Variants in MAGEA11 observed in about 807,000 individuals in gnomAD.
MAGEA11 encodes melanoma-associated antigen 11.
In MAGEA11, 1 loss-of-function variant was observed where a neutral mutation model predicts 8.4. The observed-to-expected ratio is 0.12, with a 90% CI of 0.04 to 0.57. MAGEA11 has a LOEUF of 0.57. MAGEA11 is among the 20% of genes least tolerant of loss of function. The probability of loss-of-function intolerance (pLI) is 0.91; values close to 1 mark genes in which losing one functional copy is unlikely to be tolerated. For synonymous variants in MAGEA11, 127 were observed against 119.3 expected (o/e 1.06, Z -0.42); for missense variants, 209 against 317.3 (o/e 0.66, Z 2.59).
chrX:149,711,746 G>C (rs2090401366), upstream of MAGEA11: 4 of 694,542 alleles, frequency 5.8e-6, no homozygotes, highest in Non-Finnish European at 5.1e-6. Flanking sequence ...CACACCTCCC[G>C]CTCACTGCCA....
intron 1 of MAGEA11, among the ~76,000 whole-genome samples, 166 bp from the exon 2 acceptor site, chrX:149,712,977 G>C (rs1160573571): frequency 8.9e-6 from 1 of 112,322 alleles, no homozygotes; most frequent in Non-Finnish European, 1.9e-5. Flanking sequence ...GGCTGACAGA[G>C]GGAAGGGGCT....
rs181931899 is a variant in MAGEA11, at chrX:149,712,816, G to C, written c.-17-327G>C. 2.0e-3 allele frequency among the ~76,000 whole-genome samples: 219 copies of C among 110,848 alleles called. 1 individual carries two copies. The highest frequency in any genetic ancestry group is 6.8e-3 in the African/African-American group (210 of 30,814). ...GGTGTGACCAGGGCAGGGCTGGTTG[G>C]GGGGGGCAGGACCCAGGTTCTGCCA... On this transcript the variant is annotated intron_variant, in intron 1 of 4. Transcript: ENST00000355220.
chrX:149,708,251 G>C (rs782247854), upstream of MAGEA11, among the ~76,000 whole-genome samples: 1 of 111,684 alleles, frequency 9.0e-6, no homozygotes, highest in Non-Finnish European at 1.9e-5. Flanking sequence ...GTAGTTTGAG[G>C]TCTTACATTT....
At position 149,716,403 on chromosome X, in the gene MAGEA11, A is replaced by G; in HGVS notation, c.917A>G (p.Glu306Gly). ...NLSYDGIQCN[E>G]QSMPKSGLLI... ...TCTTATGATGGCATACAGTGTAATGAGCAGAGCATGCCCAAGTCTGGCCTC... is the reference window on the plus strand; with the variant it reads ...TCTTATGATGGCATACAGTGTAATGGGCAGAGCATGCCCAAGTCTGGCCTC... The change falls in exon 5 of 5, where the codon GAG (glutamate) becomes GGG (glycine). Residue 306 changes from glutamate (E) to glycine (G), a missense_variant. By Grantham distance (98) the Glu-to-Gly change is moderately conservative. Transcript: ENST00000355220. The G allele has an allele frequency of 8.3e-7, 1 of 1,211,710 alleles. No homozygotes were observed. Among genetic ancestry groups the G allele is most frequent in the Non-Finnish European group, 1.1e-6 (1 of 895,449 alleles).
rs781971252 is a variant in MAGEA11, at chrX:149,714,568, A to G, written c.184A>G (p.Arg62Gly). ...PQLQWSQDLP[R>G]VQVFREQANL... Reference sequence around the variant, plus strand: ...ACTACAGTGGTCCCAGGATCTGCCAAGAGTCCAGGTGAGAAACCTGAGGGA... The same window carrying G: ...ACTACAGTGGTCCCAGGATCTGCCAGGAGTCCAGGTGAGAAACCTGAGGGA... The change falls in exon 3 of 5, where the codon AGA becomes GGA. Residue 62 changes from arginine (R) to glycine (G), a missense_variant. This residue lies in a region of MAGEA11 where 131 missense variants were observed against 138.5 expected (regional missense o/e 0.95). Coordinates refer to ENST00000355220, the MANE Select transcript of MAGEA11 (RefSeq NM_005366.5). 8.3e-6 allele frequency: 10 copies of G among 1,209,199 alleles called. No individual in the cohort carries two copies. In the Admixed American group the frequency reaches 2.0e-4, roughly 24 times the overall value.
rs782008250 is a variant in MAGEA11 at position 149,693,119 on chromosome X, T to G, written c.9+4135T>G. ...GTAATGTAGTCAGCAGTTAGGTCATTTCTGAGTCCAGGTCTGTTTATTGCT... is the reference window on the plus strand; with the variant it reads ...GTAATGTAGTCAGCAGTTAGGTCATGTCTGAGTCCAGGTCTGTTTATTGCT... On this transcript the variant is annotated intron_variant, in intron 1 of 3. Transcript: ENST00000333104. Among the ~76,000 whole-genome samples the G allele has an allele frequency of 3.6e-5, 4 of 112,619 alleles. No individual in the cohort carries two copies. In the South Asian group the frequency reaches 1.5e-3, roughly 42 times the overall value.
intron 1 of MAGEA11, among the ~76,000 whole-genome samples, chrX:149,704,274 C>T (rs1003887023): frequency 8.9e-6 from 1 of 112,275 alleles, no homozygotes; most frequent in African/African-American, 3.2e-5. Context: ...GCATTGAGAG[C>T]TCCAGATGGG....
upstream of MAGEA11, among the ~76,000 whole-genome samples, chrX:149,711,598 G>C (rs1247344075): frequency 8.1e-5 from 9 of 111,779 alleles, no homozygotes; most frequent in East Asian, 1.4e-3. Context: ...ATCACTTCAT[G>C]AAAGAACCAG....
intron 2 of MAGEA11, 111 bp downstream of exon 2, chrX:149,713,366 G>A: frequency 2.0e-6 from 1 of 496,037 alleles, no homozygotes; most frequent in South Asian, 3.5e-5. Flanking sequence ...CTGAGGAGTG[G>A]AGCCTCAGGT....
At chrX:149,706,295 G>C (rs1407557543) in intron 1 of MAGEA11, among the ~76,000 whole-genome samples, 1 of 111,984 alleles carries the variant, frequency 8.9e-6, no homozygotes, top group Non-Finnish European at 1.9e-5. Context: ...CCTCACAGTG[G>C]GTTTCACCCA....
upstream of MAGEA11, chrX:149,711,887 C>T (rs1315632933): frequency 6.5e-6 from 4 of 613,737 alleles, no homozygotes; most frequent in Non-Finnish European, 7.8e-6. Flanking sequence ...CCATGACCCT[C>T]GACCACATCT....
At chrX:149,698,996 T>C (rs782742264) in intron 1 of MAGEA11, among the ~76,000 whole-genome samples, 9 of 111,874 alleles carry the variant, frequency 8.0e-5, no homozygotes, top group Non-Finnish European at 5.6e-5. Context: ...ACATTTTATT[T>C]ATATAGTCTA....
chrX:149,716,238 G>C lies in MAGEA11; in HGVS notation c.752G>C (p.Ser251Thr). ...GLITKAEMLG[S>T]VIKNYEDYFP... Reference sequence around the variant, plus strand: ...ATCACAAAGGCAGAAATGCTGGGGAGTGTCATCAAAAATTATGAGGACTAC... The same window carrying C: ...ATCACAAAGGCAGAAATGCTGGGGACTGTCATCAAAAATTATGAGGACTAC... Residue 251 changes from serine to threonine, a missense_variant, in exon 5 of 5, where the codon AGT (serine) becomes ACT (threonine). Physicochemically the swap from Ser to Thr is moderately conservative, Grantham distance 58. This residue lies in a region of MAGEA11 where 78 missense variants were observed against 178.8 expected (regional missense o/e 0.44). Transcript: ENST00000355220. The C allele has an allele frequency of 8.3e-7, 1 of 1,212,037 alleles. No individual in the cohort carries two copies. The highest frequency in any genetic ancestry group is 1.1e-6 in the Non-Finnish European group (1 of 895,500).
intron 1 of MAGEA11, among the ~76,000 whole-genome samples, chrX:149,698,207 T>G (rs1174523173): frequency 2.7e-5 from 3 of 112,062 alleles, no homozygotes; most frequent in Non-Finnish European, 3.8e-5. Flanking sequence ...ACAGAGATGT[T>G]GGTAGGATTG....
rs1239205294 is a variant in MAGEA11 at position 149,695,718 on chromosome X, A to G, written c.9+6734A>G. On this transcript the variant is annotated intron_variant, in intron 1 of 3. Transcript: ENST00000333104. ...GAGATACTATTTCATACTAACTACA[A>G]TGGCTGCAATAAAAATGACAATAAT... is the stretch of plus-strand genomic sequence containing the variant. Among the ~76,000 whole-genome samples, 7 of 112,515 alleles carry G rather than the reference A, an allele frequency of 6.2e-5. No individual in the cohort carries two copies. The Admixed American group carries it at 6.6e-4, about 11-fold the overall frequency.
exon 1 of MAGEA11, chrX:149,688,901 C>T: frequency 1.0e-6 from 1 of 971,115 alleles, no homozygotes; most frequent in South Asian, 1.9e-5. Flanking sequence ...CACTGGACCC[C>T]TTTCATAGAG....
upstream of MAGEA11, among the ~76,000 whole-genome samples, chrX:149,709,024 C>T (rs1356932621): frequency 3.7e-5 from 4 of 109,374 alleles, no homozygotes; most frequent in African/African-American, 1.3e-4. Context: ...CAGTGGCTCA[C>T]GCCTGCAATC....
exon 1 of MAGEA11, chrX:149,688,967 G>C (rs782722042): frequency 1.1e-5 from 11 of 1,025,095 alleles, no homozygotes; most frequent in Admixed American, 1.0e-4. Flanking sequence ...ATACAGGCTA[G>C]GAATACCAAT....
At chrX:149,712,006 G>C (rs782747078), upstream of MAGEA11, 5 of 748,589 alleles carry the variant, frequency 6.7e-6, no homozygotes, top group Non-Finnish European at 7.9e-6. Flanking sequence ...AATCGGGTTC[G>C]CTCCTGCTGT....
Sources: gnomAD v4.1 joint callset for allele counts (sites outside exome capture counted in the v4.1 genomes callset) on GRCh38, gnomAD v4.1.1 for gene constraint, gnomAD v4.1.1 regional missense constraint, MANE v1.5 for transcripts, NCBI Gene and HGNC (gene_info 2026-07-23, HGNC 2026-07-21) for gene names.